TSG101: variants seen among roughly 807,000 people sequenced by gnomAD.
TSG101 encodes tumor susceptibility gene 101 protein.
TSG101 carries 19 observed loss-of-function variants against 48.5 expected under a neutral mutation model. The observed-to-expected ratio is 0.39, with a 90% confidence interval of 0.27 to 0.58. The LOEUF is 0.58. TSG101 is among the 20% of genes least tolerant of loss of function. TSG101 has a pLI of 0.55. For synonymous variants in TSG101, 174 were observed against 169.4 expected, an observed-to-expected ratio of 1.03 and a Z score of -0.21; for missense variants, 365 against 484.4, an observed-to-expected ratio of 0.75 and a Z score of 2.31.
At chr11:18,506,159 T>C (rs1191539556) in intron 6 of TSG101, among the ~76,000 whole-genome samples, 1 of 152,084 alleles carries the variant, frequency 6.6e-6, no homozygotes, top group East Asian at 1.9e-4. Context: ...TGTGTGTGTA[T>C]AATTTGAAAG....
chr11:18,499,393 TATATATA>T (rs1565087415), intron 7 of TSG101, among the ~76,000 whole-genome samples: 8 of 9,186 alleles, frequency 8.7e-4, no homozygotes, highest in Non-Finnish European at 9.8e-4. Context: ...TATATATATA[TATATATA>T]TATTTTTTTT....
In TSG101 at chr11:18,514,844, GA is replaced by G; in HGVS notation, c.194-4del. 1 of 1,530,974 alleles carries G rather than the reference GA, an allele frequency of 6.5e-7. No homozygotes were observed. The highest frequency in any genetic ancestry group is 1.3e-5 in the South Asian group (1 of 76,372). The allele number at this position is 1,530,974 out of a possible 1,614,324, so 94.8% of individuals were successfully genotyped here. A position where few individuals can be genotyped will look rare whatever the true frequency, so the allele number is the denominator to read the frequency against. ...TATTGGAATATTGTATGTATTACCT[GA>G]AAAAGAAATAGAAACTTCAGTTACT... On this transcript the variant is annotated splice_region_variant and splice_polypyrimidine_tract_variant and intron_variant, in intron 3 of 9. Coordinates refer to ENST00000251968, the MANE Select transcript of TSG101 (RefSeq NM_006292.4).
intron 2 of TSG101, among the ~76,000 whole-genome samples, chr11:18,518,944 A>G (rs1850223559): frequency 1.3e-5 from 2 of 152,172 alleles, no homozygotes; most frequent in African/African-American, 4.8e-5. Context: ...GAAATGGACT[A>G]AATTATCTTT....
chr11:18,507,075 C>A, intron 5 of TSG101, 152 bp from the exon 6 acceptor site: 1 of 465,306 alleles, frequency 2.1e-6, no homozygotes, highest in Non-Finnish European at 3.8e-6. Flanking sequence ...AAATACCTCT[C>A]CCTTTCATAA....
chr11:18,490,142 CAA>C, intron 7 of TSG101: 1 of 193,742 alleles, frequency 5.2e-6, no homozygotes, highest in African/African-American at 2.3e-5. Flanking sequence ...GTGAAAAATC[CAA>C]AGTCAACATA....
chr11:18,521,796 C>G (rs760127148), intron 1 of TSG101, among the ~76,000 whole-genome samples: 2 of 150,854 alleles, frequency 1.3e-5, no homozygotes, highest in Non-Finnish European at 2.9e-5. Context: ...CCCATCTCAG[C>G]CTTCCAAGTA....
chr11:18,486,572 C>T (rs1390354011), intron 7 of TSG101, among the ~76,000 whole-genome samples: 1 of 151,978 alleles, frequency 6.6e-6, no homozygotes, highest in Non-Finnish European at 1.5e-5. Context: ...AATGAGATAC[C>T]ATCTCACACC....
intron 7 of TSG101, among the ~76,000 whole-genome samples, chr11:18,496,722 G>A (rs916196803): frequency 1.3e-5 from 2 of 151,948 alleles, no homozygotes; most frequent in Non-Finnish European, 2.9e-5. Flanking sequence ...CCTGAGCCCA[G>A]GAGATGGAGG....
rs1245840807 is a variant in TSG101, at chr11:18,509,593, G to A, written c.430C>T (p.Arg144Cys). Reference sequence around the variant, plus strand: ...GGCGGATAGGATGCCGAAATAGGACGAGAGAAGACTGGAGGTTCATCTCCA... The same window carrying A: ...GGCGGATAGGATGCCGAAATAGGACAAGAGAAGACTGGAGGTTCATCTCCA... ...VFGDEPPVFS[R>C]PISASYPPYQ... Residue 144 changes from arginine to cysteine, a missense_variant, in exon 5 of 10, where the codon CGT becomes TGT. Transcript: ENST00000251968. 6.8e-6 allele frequency: 11 copies of A among 1,613,914 alleles called. No individual in the cohort carries two copies. Among genetic ancestry groups the A allele is most frequent in the South Asian group, 1.1e-5 (1 of 91,050 alleles).
intron 4 of TSG101, 34 bp downstream of exon 4, chr11:18,514,644 C>G: frequency 6.7e-7 from 1 of 1,489,440 alleles, no homozygotes; most frequent in Non-Finnish European, 8.9e-7. Flanking sequence ...ATATATAAAA[C>G]ATAACTAATT....
chr11:18,526,733 G>A, intron 1 of TSG101, 42 bp downstream of exon 1: 1 of 1,591,480 alleles, frequency 6.3e-7, no homozygotes, highest in Non-Finnish European at 8.5e-7. Context: ...GCGGAAGGGA[G>A]CGGTGGGCGC....
At chr11:18,520,848 C>T (rs1351445178) in intron 1 of TSG101, among the ~76,000 whole-genome samples, 1 of 151,864 alleles carries the variant, frequency 6.6e-6, no homozygotes, top group Non-Finnish European at 1.5e-5. Context: ...CTGGCCAACA[C>T]AGTGAAACCC....
At chr11:18,497,734 G>A (rs746102679) in intron 7 of TSG101, among the ~76,000 whole-genome samples, 31 of 152,132 alleles carry the variant, frequency 2.0e-4, no homozygotes, top group Non-Finnish European at 3.8e-4. Flanking sequence ...ACCAGATTTA[G>A]TGTGCTTTGC....
intron 6 of TSG101, 73 bp downstream of exon 6, chr11:18,506,784 A>G: frequency 7.7e-7 from 1 of 1,293,292 alleles, no homozygotes; most frequent in Non-Finnish European, 1.1e-6. Flanking sequence ...TGCCCTAATT[A>G]GCAAATTATT....
chr11:18,507,018 C>T, intron 5 of TSG101, 95 bp from the exon 6 acceptor site: 1 of 891,834 alleles, frequency 1.1e-6, no homozygotes, highest in Non-Finnish European at 1.7e-6. Context: ...CAATACACAG[C>T]AAAATTTCAC....
chr11:18,500,796 T>C (rs1849875311), intron 7 of TSG101, among the ~76,000 whole-genome samples: 1 of 148,206 alleles, frequency 6.7e-6, no homozygotes, highest in Non-Finnish European at 1.5e-5. Flanking sequence ...ACTATCTCCT[T>C]TGTTGTGCAG....
At chr11:18,490,731 G>A (rs1849686679) in intron 7 of TSG101, 2 of 466,878 alleles carry the variant, frequency 4.3e-6, no homozygotes, top group East Asian at 1.0e-4. Flanking sequence ...CTCCCCATCT[G>A]CTGCTGTTTC....
chr11:18,494,485 T>C (rs1019179604), intron 7 of TSG101, among the ~76,000 whole-genome samples: 2 of 152,220 alleles, frequency 1.3e-5, no homozygotes, highest in African/African-American at 4.8e-5. Context: ...ACTTACACAA[T>C]AGCTTTTTTA....
In TSG101 at chr11:18,490,723, C is replaced by T. The variant is rs932786076; in HGVS notation, c.641-6651G>A. ...CCTCTATCTTCTCATGCTACTCTCT[C>T]CCCATCTGCTGCTGTTTCTCATTCC... On this transcript the variant is annotated intron_variant, in intron 7 of 9. Transcript: ENST00000251968. 1.1e-5 allele frequency: 5 copies of T among 466,874 alleles called. 1 individual carries two copies. The highest frequency in any genetic ancestry group is 3.9e-5 in the South Asian group (2 of 51,054). 28.9% of individuals were successfully genotyped at this position (466,874 alleles called of 1,614,324 possible). A position where few individuals can be genotyped will look rare whatever the true frequency, so the allele number is the denominator to read the frequency against.
Sources: gnomAD v4.1 joint callset for allele counts (sites outside exome capture counted in the v4.1 genomes callset) on GRCh38, gnomAD v4.1.1 for gene constraint, MANE v1.5 for transcripts, NCBI Gene and HGNC (gene_info 2026-07-23, HGNC 2026-07-21) for gene names.